The following UVRAG variants were observed in gnomAD, a reference collection of about 807,000 sequenced individuals.
The protein encoded by UVRAG is UV radiation resistance associated, also known as UV radiation resistance-associated gene protein.
Under a neutral mutation model 78.0 loss-of-function variants are expected in UVRAG, and 19 were observed. The observed-to-expected ratio is 0.24, with a 90% CI of 0.17 to 0.36. The LOEUF (loss-of-function observed/expected upper bound fraction) is 0.36, where lower values mean the gene tolerates loss of function less well. Among genes scored for constraint, UVRAG ranks in the 10% least tolerant of loss-of-function variants. UVRAG has a pLI of 1.00. For missense variants in UVRAG, 740 were observed against 853.8 expected (o/e 0.87, Z 1.66); for synonymous variants, 323 against 324.6 (o/e 1.00, Z 0.05).
chr11:76,006,440 G>A (rs1040203735), intron 9 of UVRAG, among the ~76,000 whole-genome samples: 4 of 151,928 alleles, frequency 2.6e-5, no homozygotes, highest in African/African-American at 9.7e-5. Context: ...CAGGCAGATA[G>A]CTTGAGCCTA....
intron 4 of UVRAG, among the ~76,000 whole-genome samples, chr11:75,886,285 A>G (rs1252270025): frequency 6.6e-6 from 1 of 151,592 alleles, no homozygotes; most frequent in African/African-American, 2.4e-5. Context: ...TTCTCCCCAT[A>G]CTCTCCCATC....
chr11:75,833,619 T>C (rs559755283), intron 1 of UVRAG, among the ~76,000 whole-genome samples: 1 of 152,254 alleles, frequency 6.6e-6, no homozygotes, highest in Admixed American at 6.5e-5. Context: ...GAGCTGGAAA[T>C]CAGGGGTCTC....
At chr11:76,005,038 T>C (rs970927235) in intron 9 of UVRAG, among the ~76,000 whole-genome samples, 30 of 152,192 alleles carry the variant, frequency 2.0e-4, no homozygotes, top group African/African-American at 7.0e-4. Flanking sequence ...ACTTTAGCAG[T>C]TGGGGATTCA....
chr11:75,837,092 G>A (rs1442809253), intron 1 of UVRAG, among the ~76,000 whole-genome samples: 3 of 152,134 alleles, frequency 2.0e-5, no homozygotes, highest in African/African-American at 7.2e-5. Flanking sequence ...CACTTTGGGA[G>A]GCCAAGGTGG....
At chr11:75,845,467 A>T (rs1221491729) in intron 1 of UVRAG, among the ~76,000 whole-genome samples, 2 of 152,192 alleles carry the variant, frequency 1.3e-5, no homozygotes, top group African/African-American at 4.8e-5. Context: ...AGAAAATGTG[A>T]TACATATACA....
In UVRAG at chr11:76,050,186, C is replaced by A. The variant is rs191334411; in HGVS notation, c.1227-15524C>A. On this transcript the variant is annotated intron_variant, in intron 12 of 14. Coordinates refer to ENST00000356136, the MANE Select transcript of UVRAG (RefSeq NM_003369.4). Reference sequence around the variant, plus strand: ...CATTCTGTAATTTAGGATCTTCTCTCAACCAAATAATTTTTCTTTTGAGCA... The same window carrying A: ...CATTCTGTAATTTAGGATCTTCTCTAAACCAAATAATTTTTCTTTTGAGCA... 5.9e-5 allele frequency among the ~76,000 whole-genome samples: 9 copies of A among 152,312 alleles called. No individual in the cohort carries two copies. The East Asian group carries it at 1.5e-3, about 26-fold the overall frequency.
intron 8 of UVRAG, among the ~76,000 whole-genome samples, chr11:75,987,738 A>C (rs1199481341): frequency 6.7e-6 from 1 of 149,118 alleles, no homozygotes; most frequent in Non-Finnish European, 1.5e-5. Flanking sequence ...TTTTGCATTA[A>C]CTGTTTTTTT....
chr11:76,106,002 A>G (rs1038733346), intron 13 of UVRAG, among the ~76,000 whole-genome samples: 5 of 152,214 alleles, frequency 3.3e-5, no homozygotes, highest in African/African-American at 1.2e-4. Context: ...GTATTGGTCC[A>G]AGAGAAACAA....
At chr11:75,924,050 A>T (rs1948033850) in intron 6 of UVRAG, among the ~76,000 whole-genome samples, 1 of 150,832 alleles carries the variant, frequency 6.6e-6, no homozygotes, top group African/African-American at 2.5e-5. Context: ...TGTGGACTAT[A>T]TACGTTCAGG....
intron 7 of UVRAG, among the ~76,000 whole-genome samples, chr11:75,973,252 A>T (rs73493967): frequency 7.2e-5 from 11 of 152,128 alleles, no homozygotes; most frequent in African/African-American, 2.7e-4. Context: ...CATGAATCGT[A>T]GTTGGATTTT....
intron 1 of UVRAG, among the ~76,000 whole-genome samples, chr11:75,817,132 G>A (rs1006058512): frequency 6.6e-6 from 1 of 152,144 alleles, no homozygotes; most frequent in Admixed American, 6.5e-5. Context: ...TCTCTGGAGT[G>A]AGCATTAATG....
intron 14 of UVRAG, among the ~76,000 whole-genome samples, chr11:76,133,858 C>G (rs570375766): frequency 2.6e-5 from 4 of 151,780 alleles, no homozygotes; most frequent in Non-Finnish European, 5.9e-5. Flanking sequence ...AAGAAAAAAA[C>G]CTAAGATTGT....
intron 13 of UVRAG, among the ~76,000 whole-genome samples, chr11:76,076,734 T>C (rs1951410718): frequency 6.6e-6 from 1 of 152,220 alleles, no homozygotes; most frequent in African/African-American, 2.4e-5. Context: ...TATGTACTTA[T>C]TGGCCATTTG....
intron 5 of UVRAG, among the ~76,000 whole-genome samples, chr11:75,905,389 C>T (rs1272863737): frequency 6.6e-6 from 1 of 152,174 alleles, no homozygotes; most frequent in Non-Finnish European, 1.5e-5. Flanking sequence ...TGTCAAGTTG[C>T]AAAACATTTT....
chr11:75,904,951 C>G (rs1947584079), intron 5 of UVRAG, among the ~76,000 whole-genome samples: 1 of 151,948 alleles, frequency 6.6e-6, no homozygotes, highest in African/African-American at 2.4e-5. Flanking sequence ...AATTATTTTC[C>G]TTACTTATGC....
At chr11:76,128,879 T>C (rs1220237747) in intron 14 of UVRAG, among the ~76,000 whole-genome samples, 3 of 152,212 alleles carry the variant, frequency 2.0e-5, no homozygotes, top group African/African-American at 7.2e-5. Context: ...GGAAATGCCT[T>C]GTGTTTTAAT....
chr11:76,048,759 T>G (rs962997410), intron 12 of UVRAG, among the ~76,000 whole-genome samples: 1 of 152,284 alleles, frequency 6.6e-6, no homozygotes, highest in African/African-American at 2.4e-5. Context: ...TGTGTAATTT[T>G]GAGCATTGAC....
intron 4 of UVRAG, among the ~76,000 whole-genome samples, chr11:75,887,708 A>T (rs1590978001): frequency 6.6e-6 from 1 of 152,060 alleles, no homozygotes; most frequent in Non-Finnish European, 1.5e-5. Flanking sequence ...TGGCCTCCCA[A>T]AGTGCTGGGA....
intron 12 of UVRAG, among the ~76,000 whole-genome samples, chr11:76,061,319 C>A (rs371679288): frequency 6.6e-6 from 1 of 152,168 alleles, no homozygotes; most frequent in African/African-American, 2.4e-5. Flanking sequence ...TCAAAGCAGA[C>A]CACTCGGCTC....
Sources: allele counts gnomAD v4.1 joint callset (sites outside exome capture counted in the v4.1 genomes callset), GRCh38; gene constraint gnomAD v4.1.1; transcripts MANE v1.5; gene names NCBI Gene and HGNC (gene_info 2026-07-23, HGNC 2026-07-21).